The following BUB1 variants were observed in gnomAD, a reference collection of about 807,000 sequenced individuals.
BUB1 encodes the protein mitotic checkpoint serine/threonine-protein kinase BUB1.
In BUB1, 84 loss-of-function variants were observed where a neutral mutation model predicts 135.2. The observed-to-expected ratio is 0.62, with a 90% confidence interval of 0.52 to 0.74. The LOEUF is 0.74. Among genes scored for constraint, BUB1 ranks in the 30% least tolerant of loss-of-function variants. BUB1 has a pLI of 0.00. For synonymous variants in BUB1, 403 were observed against 434.4 expected (o/e 0.93, Z 0.90); for missense variants, 1,162 against 1,288.3 (o/e 0.90, Z 1.50).
intron 9 of BUB1, 131 bp from the exon 10 acceptor site, chr2:110,661,972 ACTC>A: frequency 3.7e-6 from 4 of 1,083,894 alleles, no homozygotes; most frequent in Non-Finnish European, 5.2e-6. Context: ...GTTTCCCCAT[ACTC>A]CTTCTTCAAG....
At chr2:110,660,110 G>A (rs1329207600) in intron 10 of BUB1, 74 bp from the exon 11 acceptor site, 62 of 1,299,130 alleles carry the variant, frequency 4.8e-5, no homozygotes, top group Non-Finnish European at 6.2e-5. Flanking sequence ...GGTGGCTCAC[G>A]CCTGTAATCC....
Position 110,649,396 on chromosome 2 carries a change from A to G in BUB1, c.2204-19T>C. The G allele has an allele frequency of 6.5e-7, 1 of 1,540,908 alleles. No homozygotes were observed. The highest frequency in any genetic ancestry group is 2.3e-5 in the East Asian group (1 of 44,310). ...ATGAAGTCTTAAAGGAATGAGAAAA[A>G]AAAAAAAAAAGGGAACATGAATTGA... On this transcript the variant is annotated intron_variant, in intron 18 of 24. Transcript: ENST00000302759.
chr2:110,644,942 G>A (rs1689604990), intron 19 of BUB1, among the ~76,000 whole-genome samples: 1 of 151,974 alleles, frequency 6.6e-6, no homozygotes, highest in Non-Finnish European at 1.5e-5. Flanking sequence ...TACACTGAGA[G>A]GAGACAAAAT....
intron 8 of BUB1, among the ~76,000 whole-genome samples, chr2:110,666,750 TA>T (rs1690267503): frequency 6.6e-6 from 1 of 152,178 alleles, no homozygotes; most frequent in Non-Finnish European, 1.5e-5. Context: ...CAAATCATTT[TA>T]AAATAAATTT....
Position 110,661,769 on chromosome 2 carries a change from A to G in BUB1, c.1030T>C (p.Tyr344His). Residue 344 changes from tyrosine (Y) to histidine (H), a missense_variant, in exon 10 of 25, where the codon TAT becomes CAT. Physicochemically the swap from Tyr to His is moderately conservative, Grantham distance 83 (BLOSUM62 2). Transcript: ENST00000302759. ...TCCATGTTCACTGGTGTCTGCTGATAGGTTACTGGAAGACATGGCGCTCTC... is the reference window on the plus strand; with the variant it reads ...TCCATGTTCACTGGTGTCTGCTGATGGGTTACTGGAAGACATGGCGCTCTC... ...ELRAPCLPVT[Y>H]QQTPVNMEKN... 1.9e-6 allele frequency: 3 copies of G among 1,614,226 alleles called. No homozygotes were observed. The highest frequency in any genetic ancestry group is 2.5e-6 in the Non-Finnish European group (3 of 1,180,040).
At chr2:110,656,988 G>A in intron 15 of BUB1, 48 bp downstream of exon 15, 1 of 1,393,846 alleles carries the variant, frequency 7.2e-7, no homozygotes, top group Non-Finnish European at 1.0e-6. Context: ...GTAGAATAAA[G>A]CGGATGGGTT....
intron 19 of BUB1, 75 bp downstream of exon 19, chr2:110,649,159 A>G (rs1207498765): frequency 6.9e-7 from 1 of 1,452,412 alleles, no homozygotes; most frequent in East Asian, 2.3e-5. Context: ...ACACACACAC[A>G]CACACACACA....
At chr2:110,638,672 A>T (rs1259014706) in intron 24 of BUB1, among the ~76,000 whole-genome samples, 3 of 152,204 alleles carry the variant, frequency 2.0e-5, no homozygotes, top group African/African-American at 7.2e-5. Flanking sequence ...GTAGAATGCA[A>T]AGGAATTGTG....
chr2:110,639,894 C>A, intron 23 of BUB1, 46 bp from the exon 24 acceptor site: 2 of 1,416,054 alleles, frequency 1.4e-6, no homozygotes, highest in Non-Finnish European at 2.0e-6. Flanking sequence ...GTAATTTACA[C>A]ATGACTATAT....
At chr2:110,675,680 C>T (rs1019410188) in intron 1 of BUB1, among the ~76,000 whole-genome samples, 3 of 151,816 alleles carry the variant, frequency 2.0e-5, no homozygotes, top group Admixed American at 2.0e-4. Flanking sequence ...GAGATGGAAT[C>T]TTGCTCTGTT....
intron 16 of BUB1, among the ~76,000 whole-genome samples, chr2:110,655,489 T>C (rs1381872321): frequency 6.6e-6 from 1 of 152,194 alleles, no homozygotes; most frequent in Non-Finnish European, 1.5e-5. Context: ...CTATAGATTT[T>C]CTCCCATTCT....
rs781298295 is a variant in BUB1, at chr2:110,677,988, G to A, written c.8C>T (p.Thr3Ile). Residue 3 changes from threonine to isoleucine, a missense_variant, in exon 1 of 25, where the codon ACC (threonine) becomes ATC (isoleucine). Physicochemically the swap from Thr to Ile is moderately conservative, Grantham distance 89 (BLOSUM62 -1). Transcript: ENST00000302759. MD[T>I]PENVLQMLEA... is the part of the protein sequence containing the mutation. ...CACTTACTGAAGGACATTTTCCGGG[G>A]TGTCCATGGCCAGAGGACGCTGGCC... 96 of 1,608,798 alleles carry A rather than the reference G, an allele frequency of 6.0e-5. No homozygotes were observed. Among genetic ancestry groups the A allele is most frequent in the Non-Finnish European group, 7.8e-5 (92 of 1,178,044 alleles).
At chr2:110,656,475 C>T (rs566433923) in intron 15 of BUB1, among the ~76,000 whole-genome samples, 1 of 152,070 alleles carries the variant, frequency 6.6e-6, no homozygotes, top group Non-Finnish European at 1.5e-5. Context: ...TCAGAAACTC[C>T]GTAGAATGTC....
intron 1 of BUB1, 79 bp from the exon 2 acceptor site, chr2:110,674,444 C>A: frequency 7.5e-7 from 1 of 1,331,570 alleles, no homozygotes; most frequent in Non-Finnish European, 1.1e-6. Context: ...TTTATATATA[C>A]CATTTATGTG....
At position 110,674,664 on chromosome 2, in the gene BUB1, A is replaced by T. The variant is rs115552808; in HGVS notation, c.27-299T>A. ...TCTCCTTCTCCTCTCACGGAACCCC[A>T]ATGTCACTACCACCATGAGGGGCAG... is the stretch of plus-strand genomic sequence containing the variant. On this transcript the variant is annotated intron_variant, in intron 1 of 24. Transcript: ENST00000302759. 1.3e-3 allele frequency among the ~76,000 whole-genome samples: 196 copies of T among 152,308 alleles called. 3 individuals carry two copies. The highest frequency in any genetic ancestry group is 4.1e-3 in the African/African-American group (169 of 41,556).
At chr2:110,670,126 GTTTTT>G (rs377459142) in intron 5 of BUB1, among the ~76,000 whole-genome samples, 2 of 120,860 alleles carry the variant, frequency 1.7e-5, no homozygotes, top group Non-Finnish European at 3.5e-5. Context: ...AATTGGATGG[GTTTTT>G]TTTTTTTTTT....
intron 17 of BUB1, among the ~76,000 whole-genome samples, chr2:110,652,128 G>C (rs1314273755): frequency 6.6e-6 from 1 of 151,872 alleles, no homozygotes; most frequent in Non-Finnish European, 1.5e-5. Context: ...TTTCATATTT[G>C]TGAATTCACC....
intron 18 of BUB1, 49 bp downstream of exon 18, chr2:110,650,497 C>T (rs868578212): frequency 1.3e-6 from 2 of 1,558,818 alleles, no homozygotes; most frequent in African/African-American, 1.4e-5. Flanking sequence ...CAGCTTTCCC[C>T]ATGCTCCTGT....
At chr2:110,647,730 A>G (rs1386620773) in intron 19 of BUB1, among the ~76,000 whole-genome samples, 1 of 152,228 alleles carries the variant, frequency 6.6e-6, no homozygotes, top group East Asian at 1.9e-4. Flanking sequence ...AACCAATTAG[A>G]AAATGGACAA....
Sources: allele counts gnomAD v4.1 joint callset (sites outside exome capture counted in the v4.1 genomes callset), GRCh38; gene constraint gnomAD v4.1.1; transcripts MANE v1.5; gene names NCBI Gene and HGNC (gene_info 2026-07-23, HGNC 2026-07-21).